The following UBE2R2 variants were observed in gnomAD, a reference collection of about 807,000 sequenced individuals.
The protein encoded by UBE2R2 is ubiquitin-conjugating enzyme E2 R2.
A neutral mutation model predicts 27.8 loss-of-function variants in UBE2R2; 1 was observed. The ratio of observed to expected loss-of-function variants is 0.04; its 90% confidence interval spans 0.01 to 0.17. UBE2R2 has a LOEUF of 0.17. Among genes scored for constraint, UBE2R2 ranks in the 10% least tolerant of loss-of-function variants. The probability of loss-of-function intolerance (pLI) is 1.00; values close to 1 mark genes in which losing one functional copy is unlikely to be tolerated. For missense variants in UBE2R2, 100 were observed against 291.0 expected, an observed-to-expected ratio of 0.34 and a Z score of 4.78; for synonymous variants, 106 against 113.3, an observed-to-expected ratio of 0.94 and a Z score of 0.41.
chr9:33,848,043 C>T (rs1216585244), intron 1 of UBE2R2, among the ~76,000 whole-genome samples: 3 of 152,144 alleles, frequency 2.0e-5, no homozygotes, highest in Non-Finnish European at 4.4e-5. Flanking sequence ...GCAGGAGCCA[C>T]TGCGCCTGGC....
chr9:33,904,167 G>A (rs1822303549), intron 3 of UBE2R2, among the ~76,000 whole-genome samples: 1 of 152,180 alleles, frequency 6.6e-6, no homozygotes, highest in Non-Finnish European at 1.5e-5. Context: ...ACTTGGTTGT[G>A]AGACAAGGGA....
At chr9:33,824,341 A>C (rs1820253033) in intron 1 of UBE2R2, among the ~76,000 whole-genome samples, 1 of 149,814 alleles carries the variant, frequency 6.7e-6, no homozygotes, top group African/African-American at 2.5e-5. Flanking sequence ...AAAATACACA[A>C]ATTAGCTGGT....
In UBE2R2 at chr9:33,910,521, T is replaced by A. The variant is rs148193823; in HGVS notation, c.363-1443T>A. 3.9e-3 allele frequency among the ~76,000 whole-genome samples: 600 copies of A among 152,328 alleles called. 2 individuals carry two copies. Among genetic ancestry groups the A allele is most frequent in the African/African-American group, 0.014 (580 of 41,572 alleles). On this transcript the variant is annotated intron_variant, in intron 3 of 4. Transcript: ENST00000263228. ...CTAATTTTTATCTGTGGATGAAAAT[T>A]GGCCGTTTGTAACACCCACTAGATT...
chr9:33,873,103 A>G (rs1040388210), intron 1 of UBE2R2, among the ~76,000 whole-genome samples: 1 of 140,326 alleles, frequency 7.1e-6, no homozygotes, highest in Non-Finnish European at 1.5e-5. Context: ...TGAGCCTGGG[A>G]GGTGGAGGTT....
At chr9:33,820,085 A>G (rs1037259932) in intron 1 of UBE2R2, among the ~76,000 whole-genome samples, 4 of 152,232 alleles carry the variant, frequency 2.6e-5, no homozygotes, top group African/African-American at 7.2e-5. Context: ...TCTCACTCCA[A>G]TAAAGTTAAA....
chr9:33,825,244 CTT>C (rs71506138), intron 1 of UBE2R2, among the ~76,000 whole-genome samples: 16 of 119,592 alleles, frequency 1.3e-4, no homozygotes, highest in Admixed American at 3.7e-4. Context: ...AAAAGCAAAG[CTT>C]TTTTTTTTTT....
chr9:33,900,855 A>G (rs1444790536), intron 3 of UBE2R2, among the ~76,000 whole-genome samples: 2 of 152,176 alleles, frequency 1.3e-5, no homozygotes, highest in Admixed American at 6.5e-5. Context: ...GGCATGAGCC[A>G]CTGTGCCCTG....
intron 1 of UBE2R2, among the ~76,000 whole-genome samples, chr9:33,867,774 C>T (rs1345063860): frequency 6.6e-6 from 1 of 152,164 alleles, no homozygotes; most frequent in Non-Finnish European, 1.5e-5. Context: ...CCAAAATTAG[C>T]TGGGCATGGT....
rs548190377 is a variant in UBE2R2 at position 33,903,426 on chromosome 9, T to C, written c.362+3155T>C. On this transcript the variant is annotated intron_variant, in intron 3 of 4. Coordinates refer to ENST00000263228, the MANE Select transcript of UBE2R2 (RefSeq NM_017811.4). The stretch of plus-strand genomic sequence containing the variant: ...CAAATGCTTACACCCTCTCCCTATT[T>C]GAGAAAATAAGCTTCCCCTTTCCTC... Among the ~76,000 whole-genome samples the C allele has an allele frequency of 3.3e-5, 5 of 152,288 alleles. No homozygotes were observed. The South Asian group carries it at 1.0e-3, about 32-fold the overall frequency.
At chr9:33,826,296 TAGATACTAAGTTGA>T (rs1820314004) in intron 1 of UBE2R2, among the ~76,000 whole-genome samples, 1 of 152,212 alleles carries the variant, frequency 6.6e-6, no homozygotes, top group South Asian at 2.1e-4. Context: ...AATGGAATGA[TAGATACTAAGTTGA>T]AGAGGTAAAT....
chr9:33,827,704 C>T (rs1820346332), intron 1 of UBE2R2, among the ~76,000 whole-genome samples: 1 of 151,774 alleles, frequency 6.6e-6, no homozygotes, highest in African/African-American at 2.4e-5. Flanking sequence ...GGCGTGGTGA[C>T]CCATGCCTGT....
At position 33,819,360 on chromosome 9, in the gene UBE2R2, C is replaced by T. The variant is rs374002556; in HGVS notation, c.177+1426C>T. 2.6e-5 allele frequency among the ~76,000 whole-genome samples: 4 copies of T among 152,220 alleles called. 1 individual carries two copies. Among genetic ancestry groups the T allele is most frequent in the South Asian group, 4.1e-4 (2 of 4,828 alleles). On this transcript the variant is annotated intron_variant, in intron 1 of 4. Coordinates refer to ENST00000263228, the MANE Select transcript of UBE2R2 (RefSeq NM_017811.4). ...TTGATACAGGAATGTTTAATATTCACTACTGTATATAGTCACTGAGTACCT... is the reference window on the plus strand; with the variant it reads ...TTGATACAGGAATGTTTAATATTCATTACTGTATATAGTCACTGAGTACCT...
chr9:33,886,824 AGGCAGATG>A, intron 1 of UBE2R2, 49 bp from the exon 2 acceptor site: 1 of 1,396,804 alleles, frequency 7.2e-7, no homozygotes, highest in South Asian at 1.3e-5. Flanking sequence ...GTGAATTATT[AGGCAGATG>A]AATAAGTTAT....
chr9:33,831,895 A>G (rs901917951), intron 1 of UBE2R2, among the ~76,000 whole-genome samples: 36 of 151,690 alleles, frequency 2.4e-4, no homozygotes, highest in African/African-American at 8.5e-4. Flanking sequence ...TCCCGAACTC[A>G]GGTGATCTGC....
At position 33,903,594 on chromosome 9, in the gene UBE2R2, A is replaced by G. The variant is rs189420462; in HGVS notation, c.362+3323A>G. ...ACACGCAAATGATGTCATTTGCCTT[A>G]TCTCAGCTTAAAGTATTATGAACAT... On this transcript the variant is annotated intron_variant, in intron 3 of 4. Transcript: ENST00000263228. 2.3e-3 allele frequency among the ~76,000 whole-genome samples: 351 copies of G among 152,240 alleles called. 1 individual carries two copies. Among genetic ancestry groups the G allele is most frequent in the Non-Finnish European group, 2.4e-3 (166 of 68,014 alleles).
At chr9:33,826,880 C>T (rs1820326251) in intron 1 of UBE2R2, among the ~76,000 whole-genome samples, 1 of 152,224 alleles carries the variant, frequency 6.6e-6, no homozygotes, top group Non-Finnish European at 1.5e-5. Flanking sequence ...CTCGGAAGTT[C>T]GAGACCAGCC....
At chr9:33,894,350 C>T (rs78824854) in intron 2 of UBE2R2, among the ~76,000 whole-genome samples, 3 of 152,158 alleles carry the variant, frequency 2.0e-5, no homozygotes, top group Non-Finnish European at 4.4e-5. Context: ...TTGCATTACC[C>T]ACATGGCTTA....
At chr9:33,846,470 G>A (rs1454828120) in intron 1 of UBE2R2, among the ~76,000 whole-genome samples, 1 of 151,996 alleles carries the variant, frequency 6.6e-6, no homozygotes, top group Non-Finnish European at 1.5e-5. Context: ...AACATTCCTT[G>A]CGCCTAAAAG....
chr9:33,911,327 G>A (rs1027011498), intron 3 of UBE2R2, among the ~76,000 whole-genome samples: 2 of 138,378 alleles, frequency 1.4e-5, no homozygotes, highest in Admixed American at 1.6e-4. Context: ...CAGGAGAATC[G>A]CTTGAACCTG....
Sources: gnomAD v4.1 joint callset for allele counts (sites outside exome capture counted in the v4.1 genomes callset) on GRCh38, gnomAD v4.1.1 for gene constraint, MANE v1.5 for transcripts, NCBI Gene and HGNC (gene_info 2026-07-23, HGNC 2026-07-21) for gene names.